CDK7: variants seen among roughly 807,000 people sequenced by gnomAD.
CDK7 encodes cyclin-dependent kinase 7.
CDK7 carries 25 observed loss-of-function variants against 49.1 expected under a neutral mutation model. The observed-to-expected ratio is 0.51, with a 90% CI of 0.37 to 0.71. CDK7 has a LOEUF of 0.71. Among genes scored for constraint, CDK7 ranks in the 30% least tolerant of loss-of-function variants. CDK7 has a pLI of 0.00. For missense variants in CDK7, 316 were observed against 411.7 expected (o/e 0.77, Z 2.01); for synonymous variants, 107 against 140.0 (o/e 0.76, Z 1.67).
chr5:69,274,477 G>A (rs532735285), intron 10 of CDK7, among the ~76,000 whole-genome samples: 1 of 152,104 alleles, frequency 6.6e-6, no homozygotes, highest in African/African-American at 2.4e-5. Flanking sequence ...TCTACAAAAA[G>A]TAAATAAATA....
intron 2 of CDK7, among the ~76,000 whole-genome samples, chr5:69,239,858 A>G (rs999831613): frequency 6.7e-6 from 1 of 150,018 alleles, no homozygotes; most frequent in Non-Finnish European, 1.5e-5. Flanking sequence ...CCTTTGTTGT[A>G]TGATATGAGG....
At chr5:69,252,494 CTTTTTTTTTTTTTTTTTTT>C (rs138764556) in intron 3 of CDK7, 43 bp downstream of exon 3, 10 of 364,292 alleles carry the variant, frequency 2.7e-5, no homozygotes, top group South Asian at 5.7e-5. Context: ...AAGTTTTCTC[CTTTTTTTTTTTTTTTTTTT>C]TTTTTTTTTT....
chr5:69,250,506 C>G (rs1322075632), intron 2 of CDK7, among the ~76,000 whole-genome samples: 7 of 152,190 alleles, frequency 4.6e-5, no homozygotes, highest in African/African-American at 1.7e-4. Flanking sequence ...CCAGTGTTCA[C>G]TTAAGGCCCA....
At chr5:69,271,828 T>C (rs535083629) in intron 9 of CDK7, among the ~76,000 whole-genome samples, 1 of 152,286 alleles carries the variant, frequency 6.6e-6, no homozygotes, top group African/African-American at 2.4e-5. Context: ...CAATTTTTTT[T>C]GTATTTTTTT....
At chr5:69,244,551 G>A (rs1465562918) in intron 2 of CDK7, among the ~76,000 whole-genome samples, 1 of 148,792 alleles carries the variant, frequency 6.7e-6, no homozygotes, top group East Asian at 2.0e-4. Flanking sequence ...AGGGAGAATT[G>A]CTTGAACCTG....
At chr5:69,261,974 T>C (rs1458053220) in intron 7 of CDK7, among the ~76,000 whole-genome samples, 1 of 152,142 alleles carries the variant, frequency 6.6e-6, no homozygotes. Flanking sequence ...ACTGGTATGT[T>C]TGTACATTGT....
At chr5:69,271,357 T>C (rs1751517987) in intron 9 of CDK7, among the ~76,000 whole-genome samples, 1 of 152,152 alleles carries the variant, frequency 6.6e-6, no homozygotes, top group African/African-American at 2.4e-5. Context: ...GTCCAAAAAG[T>C]GTATGTAGTT....
chr5:69,269,095 G>A, intron 8 of CDK7, 112 bp from the exon 9 acceptor site: 3 of 638,988 alleles, frequency 4.7e-6, no homozygotes, highest in Non-Finnish European at 8.3e-6. Context: ...AGCCAGGATT[G>A]CATCACTCAC....
chr5:69,245,571 C>G (rs750459557), intron 2 of CDK7, among the ~76,000 whole-genome samples: 2 of 151,944 alleles, frequency 1.3e-5, no homozygotes, highest in African/African-American at 2.4e-5. Flanking sequence ...GAACTCCTGA[C>G]CTCAAGTGAT....
At chr5:69,257,535 A>G (rs1750566023) in intron 5 of CDK7, among the ~76,000 whole-genome samples, 1 of 152,150 alleles carries the variant, frequency 6.6e-6, no homozygotes, top group African/African-American at 2.4e-5. Flanking sequence ...AGAGTTTAAT[A>G]ATACCTGAGG....
chr5:69,236,759 C>T (rs914344151), intron 2 of CDK7, among the ~76,000 whole-genome samples: 1 of 151,838 alleles, frequency 6.6e-6, no homozygotes, highest in Admixed American at 6.6e-5. Flanking sequence ...TCAAGCACTT[C>T]TCCTGTCTCA....
intron 9 of CDK7, among the ~76,000 whole-genome samples, chr5:69,270,757 C>G (rs566244473): frequency 1.3e-5 from 2 of 152,276 alleles, no homozygotes; most frequent in South Asian, 2.1e-4. Context: ...TTTTTCATAT[C>G]CATCATAAAT....
intron 2 of CDK7, among the ~76,000 whole-genome samples, chr5:69,251,114 T>TC (rs957999631): frequency 1.3e-5 from 2 of 150,782 alleles, no homozygotes; most frequent in African/African-American, 4.9e-5. Context: ...TTTTTTTTTT[T>TC]CGAGACAGAG....
At chr5:69,266,800 A>G (rs1282442167) in intron 8 of CDK7, among the ~76,000 whole-genome samples, 1 of 152,186 alleles carries the variant, frequency 6.6e-6, no homozygotes, top group African/African-American at 2.4e-5. Flanking sequence ...ATATAAACCA[A>G]GTTGTCAAAG....
rs1016066667 is a variant in CDK7 at position 69,277,295 on chromosome 5, T to C, written c.*160T>C. ...TGGGTTATTTTTATTAAATGTATTT[T>C]AAAATAAAAATTTAATTCTGGTTTT... is the stretch of plus-strand genomic sequence containing the variant. On this transcript the variant is annotated 3_prime_UTR_variant, in exon 12 of 12. Transcript: ENST00000256443. 1 of 455,992 alleles carries C rather than the reference T, an allele frequency of 2.2e-6. No homozygotes were observed. Among genetic ancestry groups the C allele is most frequent in the Non-Finnish European group, 3.8e-6 (1 of 259,746 alleles). The allele number at this position is 455,992 out of a possible 1,614,324, so 28.2% of individuals were successfully genotyped here. A position where few individuals can be genotyped will look rare whatever the true frequency, so the allele number is the denominator to read the frequency against.
At chr5:69,245,374 C>G (rs972486714) in intron 2 of CDK7, among the ~76,000 whole-genome samples, 1 of 145,360 alleles carries the variant, frequency 6.9e-6, no homozygotes, top group Non-Finnish European at 1.5e-5. Flanking sequence ...CTCGCTCTAT[C>G]GCCTACCCAG....
chr5:69,234,941 C>T lies in CDK7; in HGVS notation c.-35C>T, dbSNP rs371510767. 1.3e-4 allele frequency: 199 copies of T among 1,569,554 alleles called. No individual in the cohort carries two copies. The highest frequency in any genetic ancestry group is 1.7e-4 in the Middle Eastern group (1 of 6,018). ...AAATTCGTGTTGTCCTGGGAGCTCG[C>T]CCTTTTCGGCTGGAGTCGGGCTTTA... On this transcript the variant is annotated 5_prime_UTR_variant, in exon 1 of 12. Coordinates refer to ENST00000256443, the MANE Select transcript of CDK7 (RefSeq NM_001799.4).
At chr5:69,236,903 C>T (rs973814334) in intron 2 of CDK7, among the ~76,000 whole-genome samples, 1 of 148,722 alleles carries the variant, frequency 6.7e-6, no homozygotes, top group African/African-American at 2.5e-5. Context: ...CCACCCACTT[C>T]GGCCTCCCAA....
chr5:69,258,262 G>C, intron 6 of CDK7, 109 bp downstream of exon 6: 1 of 563,124 alleles, frequency 1.8e-6, no homozygotes, highest in Non-Finnish European at 3.1e-6. Flanking sequence ...ATAGCTGACT[G>C]TTTTATCCCA....
Sources: gnomAD v4.1 joint callset for allele counts (sites outside exome capture counted in the v4.1 genomes callset) on GRCh38, gnomAD v4.1.1 for gene constraint, MANE v1.5 for transcripts, NCBI Gene and HGNC (gene_info 2026-07-23, HGNC 2026-07-21) for gene names.